Variants in C10orf67 observed in about 807,000 individuals in gnomAD.
C10orf67 encodes chromosome 10 open reading frame 67.
C10orf67 carries 60 observed loss-of-function variants against 35.6 expected under a neutral mutation model. The observed-to-expected ratio is 1.68, with a 90% CI of 1.37 to 2.09. The LOEUF (loss-of-function observed/expected upper bound fraction) is 2.09, where lower values mean the gene tolerates loss of function less well. Among genes scored for constraint, C10orf67 ranks in the 30% most tolerant of loss-of-function variants. The probability of loss-of-function intolerance (pLI) is 0.00; values close to 1 mark genes in which losing one functional copy is unlikely to be tolerated. For synonymous variants in C10orf67, 167 were observed against 115.8 expected (o/e 1.44, Z -2.84); for missense variants, 474 against 330.2 (o/e 1.44, Z -3.38).
At chr10:23,242,552 A>G (rs1053187313) in intron 12 of C10orf67, among the ~76,000 whole-genome samples, 5 of 152,210 alleles carry the variant, frequency 3.3e-5, no homozygotes, top group Non-Finnish European at 7.3e-5. Flanking sequence ...AATACTGAGT[A>G]TGCCAAACAA....
At position 23,344,627 on chromosome 10, in the gene C10orf67, C is replaced by T. The variant is rs1846069211; in HGVS notation, c.148G>A (p.Ala50Thr). ...AKATELRVCC[A>T]RRKREAREFK... The stretch of plus-strand genomic sequence containing the variant: ...TCCCGAGCTTCTCGCTTCCTACGCG[C>T]GCAGCAGACCCGCAGCTCGGTGGCC... The change falls in exon 1 of 16, where the codon GCG (alanine) becomes ACG (threonine). Residue 50 changes from alanine (A) to threonine (T), a missense_variant. Coordinates refer to ENST00000636213, the MANE Select transcript of C10orf67 (RefSeq NM_001371909.1). 4 of 1,584,400 alleles carry T rather than the reference C, an allele frequency of 2.5e-6. No homozygotes were observed. Among genetic ancestry groups the T allele is most frequent in the Non-Finnish European group, 3.4e-6 (4 of 1,166,074 alleles).
intron 5 of C10orf67, among the ~76,000 whole-genome samples, chr10:23,294,834 A>G (rs1363296361): frequency 3.9e-5 from 6 of 152,198 alleles, no homozygotes; most frequent in African/African-American, 1.4e-4. Context: ...TTTTTAAAAT[A>G]CCACTAGAGG....
At chr10:23,207,165 T>C (rs1002445652) in intron 15 of C10orf67, among the ~76,000 whole-genome samples, 8 of 151,808 alleles carry the variant, frequency 5.3e-5, no homozygotes, top group African/African-American at 1.9e-4. Context: ...TTTTTTTTTT[T>C]TGTCTTAATG....
At chr10:23,257,918 C>G (rs1048437825) in intron 10 of C10orf67, among the ~76,000 whole-genome samples, 4 of 152,006 alleles carry the variant, frequency 2.6e-5, no homozygotes, top group Non-Finnish European at 2.9e-5. Flanking sequence ...ACATCCCCCC[C>G]ACACATATAT....
chr10:23,239,731 T>C lies in C10orf67; in HGVS notation c.1432A>G (p.Ile478Val). Reference protein sequence around the residue: ...AVLADTSFNYIKVKPLLVQSR... With the variant: ...AVLADTSFNYVKVKPLLVQSR... ...ATCTAAACATTACATGCACTTACAA[T>C]ATAATTGAAGGATGTGTCAGCAAGC... is the stretch of plus-strand genomic sequence containing the variant. Residue 478 changes from isoleucine to valine, a missense_variant and splice_region_variant, in exon 13 of 16, where the codon ATT becomes GTT. Coordinates refer to ENST00000636213, the MANE Select transcript of C10orf67 (RefSeq NM_001371909.1). The C allele has an allele frequency of 3.1e-6, 2 of 654,806 alleles. No individual in the cohort carries two copies. Among genetic ancestry groups the C allele is most frequent in the Admixed American group, 2.0e-5 (1 of 49,496 alleles). 40.6% of individuals were successfully genotyped at this position (654,806 alleles called of 1,614,324 possible).
In C10orf67 at chr10:23,267,216, C is replaced by CT. The variant is rs1564480084; in HGVS notation, c.1013dup (p.Tyr339ValfsTer50). The CT allele has an allele frequency of 2.8e-6, 2 of 716,108 alleles. No homozygotes were observed. Among genetic ancestry groups the CT allele is most frequent in the Non-Finnish European group, 5.2e-6 (2 of 384,780 alleles). 44.4% of individuals were successfully genotyped at this position (716,108 alleles called of 1,614,324 possible). A position where few individuals can be genotyped will look rare whatever the true frequency, so the allele number is the denominator to read the frequency against. On this transcript the variant is annotated frameshift_variant, in exon 9 of 16. Transcript: ENST00000636213. LOFTEE classifies it high-confidence loss of function. ...AAACCTTTACACTTAAGCTGCCATA[C>CT]TTTTTTCTCATTTCCTTGTCCTCTT...
chr10:23,298,318 C>G (rs1843959795), intron 5 of C10orf67, among the ~76,000 whole-genome samples: 1 of 152,166 alleles, frequency 6.6e-6, no homozygotes, highest in Non-Finnish European at 1.5e-5. Context: ...ACATCAATTT[C>G]CTTACTCAGG....
chr10:23,319,845 G>C (rs973226428), intron 4 of C10orf67, among the ~76,000 whole-genome samples: 2 of 152,174 alleles, frequency 1.3e-5, no homozygotes, highest in Admixed American at 1.3e-4. Flanking sequence ...TAGCTGAAAA[G>C]GGAGCTGGAA....
intron 12 of C10orf67, among the ~76,000 whole-genome samples, chr10:23,246,476 G>T (rs1842319628): frequency 6.6e-6 from 1 of 152,058 alleles, no homozygotes; most frequent in Admixed American, 6.6e-5. Flanking sequence ...ACACAAAATT[G>T]ATAACTATCA....
At chr10:23,321,083 T>A (rs767758320) in intron 3 of C10orf67, among the ~76,000 whole-genome samples, 5 of 152,248 alleles carry the variant, frequency 3.3e-5, no homozygotes, top group Admixed American at 6.5e-5. Context: ...TTGAGTAAAG[T>A]CTTTCAGTGC....
chr10:23,225,304 C>T (rs1259136002), intron 13 of C10orf67, among the ~76,000 whole-genome samples: 1 of 152,120 alleles, frequency 6.6e-6, no homozygotes, highest in African/African-American at 2.4e-5. Context: ...AAATCCTTTA[C>T]AGACAAGCAA....
rs1218488280 is a variant in C10orf67, at chr10:23,318,833, A to G, written c.546+1908T>C. On this transcript the variant is annotated intron_variant, in intron 4 of 15. Coordinates refer to ENST00000636213, the MANE Select transcript of C10orf67 (RefSeq NM_001371909.1). ...AGGGTTACTTTCATGGCTCCATGAC[A>G]TTACCAAGGACCCCTCTGCTTCTTA... The G allele has an allele frequency of 6.6e-6, 5 of 754,350 alleles. No homozygotes were observed. In the Admixed American group the frequency reaches 7.3e-5, roughly 11 times the overall value. The allele number at this position is 754,350 out of a possible 1,614,324, so 46.7% of individuals were successfully genotyped here.
intron 15 of C10orf67, among the ~76,000 whole-genome samples, chr10:23,209,646 A>G (rs1841254182): frequency 6.6e-6 from 1 of 152,112 alleles, no homozygotes; most frequent in Non-Finnish European, 1.5e-5. Context: ...TGTGGTGATC[A>G]TTTCTCTTAA....
intron 8 of C10orf67, among the ~76,000 whole-genome samples, chr10:23,277,748 C>A (rs1843233863): frequency 6.6e-6 from 1 of 152,106 alleles, no homozygotes; most frequent in African/African-American, 2.4e-5. Context: ...GTTTTCCTTT[C>A]ATATATGGTA....
At chr10:23,211,964 T>G (rs1287656091) in intron 15 of C10orf67, among the ~76,000 whole-genome samples, 1 of 152,170 alleles carries the variant, frequency 6.6e-6, no homozygotes, top group Non-Finnish European at 1.5e-5. Context: ...GAATTGTGTC[T>G]CCCCAAAGAT....
At chr10:23,215,328 C>G (rs1192508702) in intron 15 of C10orf67, among the ~76,000 whole-genome samples, 1 of 150,776 alleles carries the variant, frequency 6.6e-6, no homozygotes, top group African/African-American at 2.4e-5. Flanking sequence ...GAGCCTCACT[C>G]TTTTGCCCAG....
At chr10:23,209,491 G>A (rs1227526301) in intron 15 of C10orf67, among the ~76,000 whole-genome samples, 3 of 152,092 alleles carry the variant, frequency 2.0e-5, no homozygotes, top group African/African-American at 7.2e-5. Context: ...TAGCAATACT[G>A]TACTGTATAC....
intron 1 of C10orf67, among the ~76,000 whole-genome samples, chr10:23,339,459 G>A (rs1275450850): frequency 2.7e-5 from 4 of 145,886 alleles, no homozygotes; most frequent in South Asian, 4.4e-4. Context: ...TTCCAGGAAC[G>A]AACATTTGGA....
At chr10:23,267,301 A>G (rs1310007691) in intron 8 of C10orf67, 47 bp from the exon 9 acceptor site, 1 of 664,102 alleles carries the variant, frequency 1.5e-6, no homozygotes, top group Non-Finnish European at 2.7e-6. Context: ...TGCAAAGATT[A>G]AAAAAGACAA....
Sources: allele counts gnomAD v4.1 joint callset (sites outside exome capture counted in the v4.1 genomes callset), GRCh38; gene constraint gnomAD v4.1.1; transcripts MANE v1.5; gene names NCBI Gene and HGNC (gene_info 2026-07-23, HGNC 2026-07-21).